The following BPNT2 variants were observed in gnomAD, a reference collection of about 807,000 sequenced individuals.
The protein encoded by BPNT2 is Golgi-resident adenosine 3',5'-bisphosphate 3'-phosphatase.
A neutral mutation model predicts 29.3 loss-of-function variants in BPNT2; 11 were observed. The observed-to-expected ratio is 0.38, with a 90% CI of 0.24 to 0.62. BPNT2 has a LOEUF of 0.62. BPNT2 is among the 20% of genes least tolerant of loss of function. The pLI, the probability that BPNT2 is intolerant of heterozygous loss-of-function variation, is 0.62. For synonymous variants in BPNT2, 195 were observed against 187.7 expected, an observed-to-expected ratio of 1.04 and a Z score of -0.32; for missense variants, 459 against 473.4, an observed-to-expected ratio of 0.97 and a Z score of 0.28.
chr8:56,984,909 GACTT>G (rs1351629896), intron 1 of BPNT2, among the ~76,000 whole-genome samples: 16 of 151,852 alleles, frequency 1.1e-4, no homozygotes, highest in Admixed American at 1.0e-3. Flanking sequence ...CTGTACCCCA[GACTT>G]ACTAGTCTTC....
chr8:56,965,312 C>T (rs370700257), intron 4 of BPNT2, among the ~76,000 whole-genome samples: 55 of 152,140 alleles, frequency 3.6e-4, no homozygotes, highest in African/African-American at 1.3e-3. Context: ...GAATGAGACC[C>T]TATCTCAAAA....
At chr8:56,991,794 C>T (rs1270619418) in intron 1 of BPNT2, among the ~76,000 whole-genome samples, 2 of 152,028 alleles carry the variant, frequency 1.3e-5, no homozygotes, top group Non-Finnish European at 2.9e-5. Flanking sequence ...TCTCCTGTTT[C>T]CTCTATAAAT....
At chr8:56,985,078 A>G (rs1806307937) in intron 1 of BPNT2, among the ~76,000 whole-genome samples, 1 of 151,862 alleles carries the variant, frequency 6.6e-6, no homozygotes, top group East Asian at 1.9e-4. Flanking sequence ...ATTGATAAAG[A>G]AGGACCACCA....
rs538654531 is a variant in BPNT2 at position 56,958,880 on chromosome 8, C to A, written c.*4913G>T. ...AGTCCATAAACGTGCCCTCCTAACA[C>A]GAGAATAAGAAAGGTGGCTGAAGTA... On this transcript the variant is annotated 3_prime_UTR_variant, in exon 5 of 5. Transcript: ENST00000262644. The A allele has an allele frequency of 2.0e-5, 3 of 152,076 alleles. No individual in the cohort carries two copies. Among genetic ancestry groups the A allele is most frequent in the Non-Finnish European group, 2.9e-5 (2 of 68,036 alleles). The allele number at this position is 152,076 out of a possible 1,614,324, so 9.4% of individuals were successfully genotyped here.
intron 1 of BPNT2, 99 bp downstream of exon 1, chr8:56,993,100 C>G: frequency 6.5e-7 from 1 of 1,528,736 alleles, no homozygotes; most frequent in Non-Finnish European, 8.8e-7. Context: ...TCCACATCTA[C>G]AAAATGGAAC....
intron 4 of BPNT2, chr8:56,964,470 T>C (rs1191075941): frequency 6.0e-6 from 1 of 167,134 alleles, no homozygotes; most frequent in Non-Finnish European, 1.3e-5. Context: ...TGCTAAATTT[T>C]TTTGTATTTT....
chr8:56,979,264 A>T (rs531718499), intron 2 of BPNT2, among the ~76,000 whole-genome samples: 2 of 152,080 alleles, frequency 1.3e-5, no homozygotes, highest in Admixed American at 1.3e-4. Flanking sequence ...AACTTTTAAT[A>T]AAAAAAATCA....
rs1372617269 is a variant in BPNT2 at position 56,962,418 on chromosome 8, T to C, written c.*1375A>G. The C allele has an allele frequency of 6.6e-6, 1 of 152,160 alleles. No homozygotes were observed. Among genetic ancestry groups the C allele is most frequent in the African/African-American group, 2.4e-5 (1 of 41,426 alleles). 9.4% of individuals were successfully genotyped at this position (152,160 alleles called of 1,614,324 possible). ...AAAAATTTAGCAAAGAAAGAAACCG[T>C]GAGAAATCCCTCTCATCAGCATGTT... On this transcript the variant is annotated 3_prime_UTR_variant, in exon 5 of 5. Transcript: ENST00000262644.
intron 3 of BPNT2, among the ~76,000 whole-genome samples, chr8:56,977,426 T>C (rs1449979876): frequency 4.6e-5 from 7 of 152,100 alleles, no homozygotes; most frequent in African/African-American, 1.7e-4. Context: ...CCCACATGTG[T>C]CTATGTCCTT....
intron 1 of BPNT2, among the ~76,000 whole-genome samples, chr8:56,983,836 CACA>C (rs771518522): frequency 7.9e-5 from 12 of 151,656 alleles, no homozygotes; most frequent in South Asian, 2.1e-4. Flanking sequence ...CAAGAAGCAA[CACA>C]ACATTTTGGG....
Position 56,993,194 on chromosome 8 carries a change from C to A in BPNT2, c.387+5G>T, listed in dbSNP as rs766001543. ...CGAGTGGGCGCTCCGCCCGTGGGCTCCCACCTGGACGCTGGGGAAGGCGGT... is the reference window on the plus strand; with the variant it reads ...CGAGTGGGCGCTCCGCCCGTGGGCTACCACCTGGACGCTGGGGAAGGCGGT... On this transcript the variant is annotated splice_donor_5th_base_variant and intron_variant, in intron 1 of 4. Coordinates refer to ENST00000262644, the MANE Select transcript of BPNT2 (RefSeq NM_017813.5). The A allele has an allele frequency of 6.3e-7, 1 of 1,596,304 alleles. No homozygotes were observed. Among genetic ancestry groups the A allele is most frequent in the Admixed American group, 1.7e-5 (1 of 59,570 alleles).
chr8:56,973,068 TACA>T (rs1415075615), intron 3 of BPNT2, among the ~76,000 whole-genome samples: 2 of 152,158 alleles, frequency 1.3e-5, no homozygotes, highest in African/African-American at 2.4e-5. Context: ...GTCTTCTGAC[TACA>T]ACAAGAAGGC....
At position 56,966,196 on chromosome 8, in the gene BPNT2, C is replaced by T. The variant is rs1466492099; in HGVS notation, c.803G>A (p.Gly268Asp). Residue 268 changes from glycine (G) to aspartate (D), a missense_variant, in exon 4 of 5, where the codon GGT becomes GAT. Coordinates refer to ENST00000262644, the MANE Select transcript of BPNT2 (RefSeq NM_017813.5). Reference protein sequence around the residue: ...GNQTTIIPAGGAGYKVLALLD... With the variant: ...GNQTTIIPAGDAGYKVLALLD... ...ACACAGGAAGAGGAACATACCAGCA[C>T]CACCAGCTGGGATAATTGTAGTCTG... The T allele has an allele frequency of 1.2e-6, 2 of 1,614,070 alleles. No individual in the cohort carries two copies. The highest frequency in any genetic ancestry group is 1.7e-6 in the Non-Finnish European group (2 of 1,179,952).
intron 1 of BPNT2, among the ~76,000 whole-genome samples, chr8:56,992,974 C>T (rs1806442852): frequency 6.6e-6 from 1 of 152,206 alleles, no homozygotes; most frequent in Admixed American, 6.5e-5. Context: ...ACACGGCGCA[C>T]ACCCGACCCA....
chr8:56,969,944 CA>C (rs1806005099), intron 3 of BPNT2, among the ~76,000 whole-genome samples: 1 of 152,146 alleles, frequency 6.6e-6, no homozygotes, highest in African/African-American at 2.4e-5. Context: ...AAGAATTAAA[CA>C]TTTATCCCGC....
intron 4 of BPNT2, among the ~76,000 whole-genome samples, chr8:56,965,239 A>G (rs1284939417): frequency 6.6e-6 from 1 of 152,160 alleles, no homozygotes; most frequent in Non-Finnish European, 1.5e-5. Context: ...AAATCACCTG[A>G]GCCCAGGAGG....
intron 1 of BPNT2, among the ~76,000 whole-genome samples, chr8:56,983,870 A>G (rs1806285534): frequency 6.6e-6 from 1 of 152,180 alleles, no homozygotes; most frequent in East Asian, 1.9e-4. Flanking sequence ...AAAAAATACC[A>G]TCATGGTGTG....
In BPNT2 at chr8:56,989,925, T is replaced by C. The variant is rs140020620; in HGVS notation, c.387+3274A>G. Among the ~76,000 whole-genome samples the C allele has an allele frequency of 1.2e-4, 19 of 152,326 alleles. No individual in the cohort carries two copies. In the East Asian group the frequency reaches 3.7e-3, roughly 29 times the overall value. ...CCTGTTCCTTTGAACTAGATTCTTTTCCTCTGTTTTCAGTGCTTATGTCTA... is the reference window on the plus strand; with the variant it reads ...CCTGTTCCTTTGAACTAGATTCTTTCCCTCTGTTTTCAGTGCTTATGTCTA... On this transcript the variant is annotated intron_variant, in intron 1 of 4. Transcript: ENST00000262644.
chr8:56,987,309 G>C (rs910659538), intron 1 of BPNT2, among the ~76,000 whole-genome samples: 2 of 152,104 alleles, frequency 1.3e-5, no homozygotes, highest in Non-Finnish European at 2.9e-5. Context: ...ATTATTTCTG[G>C]TTGTATTTGT....
Sources: allele counts gnomAD v4.1 joint callset (sites outside exome capture counted in the v4.1 genomes callset), GRCh38; gene constraint gnomAD v4.1.1; transcripts MANE v1.5; gene names NCBI Gene and HGNC (gene_info 2026-07-23, HGNC 2026-07-21).